Variants in CRADD observed in about 807,000 individuals in gnomAD.
The protein encoded by CRADD is CARD and death domain containing adaptor protein, also known as death domain-containing protein CRADD.
CRADD carries 9 observed loss-of-function variants against 15.5 expected under a neutral mutation model. That is an observed-to-expected ratio of 0.58 (90% CI 0.35 to 1.01). CRADD has a LOEUF of 1.01. Ranked by LOEUF, CRADD falls within the 50% of genes least tolerant of loss-of-function variation. The pLI is 0.02. For missense variants in CRADD, 227 were observed against 250.3 expected, an observed-to-expected ratio of 0.91 and a Z score of 0.63; for synonymous variants, 118 against 107.6, an observed-to-expected ratio of 1.10 and a Z score of -0.60.
At chr12:93,687,898 C>A (rs1955474993) in intron 2 of CRADD, among the ~76,000 whole-genome samples, 2 of 152,148 alleles carry the variant, frequency 1.3e-5, no homozygotes, top group South Asian at 4.1e-4. Context: ...CATGAGGCAA[C>A]AATTGGAGGA....
rs555738669 is a variant in CRADD at position 93,827,840 on chromosome 12, T to G, written c.299-22130T>G. Among the ~76,000 whole-genome samples, 43 of 152,322 alleles carry G rather than the reference T, an allele frequency of 2.8e-4. 1 individual carries two copies. In the South Asian group the frequency reaches 7.0e-3, roughly 25 times the overall value. On this transcript the variant is annotated intron_variant, in intron 2 of 2. Coordinates refer to ENST00000332896, the MANE Select transcript of CRADD (RefSeq NM_003805.5). Reference sequence around the variant, plus strand: ...ACAGATCCCTAGAAATTACTCATCTTGCATAAATGAAAGCATACCTGTTGA... The same window carrying G: ...ACAGATCCCTAGAAATTACTCATCTGGCATAAATGAAAGCATACCTGTTGA...
chr12:93,839,328 A>C (rs1022939935), intron 2 of CRADD, among the ~76,000 whole-genome samples: 1 of 152,186 alleles, frequency 6.6e-6, no homozygotes, highest in African/African-American at 2.4e-5. Context: ...TGAGATGGAG[A>C]TATCTATACC....
In CRADD at chr12:93,831,551, G is replaced by T. The variant is rs115136645; in HGVS notation, c.299-18419G>T. On this transcript the variant is annotated intron_variant, in intron 2 of 2. Transcript: ENST00000332896. ...TTTGCATTATGTGCAGCTGCACGGG[G>T]AATGCAGCTGCTACCCAAAATGCAA... 5.5e-3 allele frequency among the ~76,000 whole-genome samples: 842 copies of T among 152,310 alleles called. 6 individuals are homozygous for T. The highest frequency in any genetic ancestry group is 0.019 in the African/African-American group (810 of 41,544).
chr12:93,765,355 T>C (rs1250195406), intron 2 of CRADD, among the ~76,000 whole-genome samples: 1 of 152,182 alleles, frequency 6.6e-6, no homozygotes, highest in Admixed American at 6.5e-5. Context: ...TACATTTGCA[T>C]AGCACTTGGC....
At chr12:93,739,620 T>A (rs1011326911) in intron 2 of CRADD, among the ~76,000 whole-genome samples, 7 of 152,106 alleles carry the variant, frequency 4.6e-5, no homozygotes, top group Admixed American at 4.6e-4. Context: ...TATGACAATG[T>A]CACTGGATTT....
chr12:93,883,212 C>T (rs182582983), intron 2 of CRADD, among the ~76,000 whole-genome samples: 167 of 152,202 alleles, frequency 1.1e-3, no homozygotes, highest in African/African-American at 3.7e-3. Context: ...ATACAAAAAC[C>T]CATATTTAAG....
chr12:93,770,882 T>C (rs988561728), intron 2 of CRADD, among the ~76,000 whole-genome samples: 2 of 152,262 alleles, frequency 1.3e-5, no homozygotes, highest in Non-Finnish European at 2.9e-5. Flanking sequence ...GAGATTGTTT[T>C]AAATCTATAG....
intron 2 of CRADD, among the ~76,000 whole-genome samples, chr12:93,785,476 T>C (rs1482284594): frequency 6.6e-6 from 1 of 152,190 alleles, no homozygotes; most frequent in African/African-American, 2.4e-5. Context: ...TCAAAGATGC[T>C]CCACTGGGGC....
intron 2 of CRADD, among the ~76,000 whole-genome samples, chr12:93,773,518 C>G (rs987180852): frequency 2.6e-5 from 4 of 152,120 alleles, no homozygotes; most frequent in Non-Finnish European, 4.4e-5. Flanking sequence ...TGTAAACTTC[C>G]CAGTCTTGGG....
intron 2 of CRADD, among the ~76,000 whole-genome samples, chr12:93,799,739 A>G (rs1307904836): frequency 6.6e-6 from 1 of 152,250 alleles, no homozygotes. Context: ...GTAAATCAGA[A>G]CAGGGCAAAT....
At chr12:93,719,930 C>T (rs367685786) in intron 2 of CRADD, among the ~76,000 whole-genome samples, 21 of 152,100 alleles carry the variant, frequency 1.4e-4, no homozygotes, top group African/African-American at 4.3e-4. Flanking sequence ...TGTTCTCTTT[C>T]GTTAATTTCT....
At chr12:93,832,050 T>C (rs1957910517) in intron 2 of CRADD, among the ~76,000 whole-genome samples, 1 of 146,390 alleles carries the variant, frequency 6.8e-6, no homozygotes, top group Non-Finnish European at 1.6e-5. Context: ...ATTGTATACA[T>C]TTATGATTGA....
At chr12:93,727,756 A>C (rs1255974882) in intron 2 of CRADD, among the ~76,000 whole-genome samples, 1 of 152,194 alleles carries the variant, frequency 6.6e-6, no homozygotes, top group African/African-American at 2.4e-5. Context: ...AGCAAGCCAA[A>C]GGGATTTGCT....
rs143858433 is a variant in CRADD, at chr12:93,687,734, T to C, written c.298+8662T>C. ...TGGAAGGGTGGTAGGAATCAGGGTG[T>C]AGAGGGATATTAGTTTGCAAATCCT... is the stretch of plus-strand genomic sequence containing the variant. On this transcript the variant is annotated intron_variant, in intron 2 of 2. Coordinates refer to ENST00000332896, the MANE Select transcript of CRADD (RefSeq NM_003805.5). 3.9e-5 allele frequency among the ~76,000 whole-genome samples: 6 copies of C among 152,298 alleles called. No homozygotes were observed. In the East Asian group the frequency reaches 1.2e-3, roughly 29 times the overall value.
intron 2 of CRADD, among the ~76,000 whole-genome samples, chr12:93,770,143 G>T (rs10859576): frequency 0.33 from 43,895 of 135,006 alleles, 8,472 homozygotes; most frequent in East Asian, 0.57. Context: ...TGGCCCAGGT[G>T]GGAGTGCAGT....
At chr12:93,808,294 T>C (rs1336487239) in intron 2 of CRADD, among the ~76,000 whole-genome samples, 1 of 152,120 alleles carries the variant, frequency 6.6e-6, no homozygotes, top group Non-Finnish European at 1.5e-5. Context: ...GGCCTCACAA[T>C]CATGGCAGAA....
chr12:93,773,165 T>G (rs1957102523), intron 2 of CRADD, among the ~76,000 whole-genome samples: 1 of 152,220 alleles, frequency 6.6e-6, no homozygotes, highest in African/African-American at 2.4e-5. Context: ...ATGTCTTACG[T>G]AAGTCAGAGT....
At chr12:93,712,403 G>A (rs73361505) in intron 2 of CRADD, among the ~76,000 whole-genome samples, 6,388 of 152,136 alleles carry the variant, frequency 0.042, 394 homozygotes, top group African/African-American at 0.14. Context: ...CAGCTCATCC[G>A]TATTCCTAGT....
chr12:93,805,427 G>A (rs938019884), intron 2 of CRADD, among the ~76,000 whole-genome samples: 3 of 151,926 alleles, frequency 2.0e-5, no homozygotes, highest in East Asian at 1.9e-4. Flanking sequence ...TTCAATAAAT[G>A]TATATAAAAG....
Sources: allele counts gnomAD v4.1 joint callset (sites outside exome capture counted in the v4.1 genomes callset), GRCh38; gene constraint gnomAD v4.1.1; transcripts MANE v1.5; gene names NCBI Gene and HGNC (gene_info 2026-07-23, HGNC 2026-07-21).